ADGRG1: variants seen among roughly 807,000 people sequenced by gnomAD.
The protein encoded by ADGRG1 is 7-transmembrane protein with no EGF-like N-terminal domains-1.
ADGRG1 carries 53 observed loss-of-function variants against 73.5 expected under a neutral mutation model. The ratio of observed to expected loss-of-function variants is 0.72; its 90% CI spans 0.58 to 0.91. The LOEUF (loss-of-function observed/expected upper bound fraction) is 0.91. ADGRG1 is among the 40% of genes least tolerant of loss of function. ADGRG1 has a pLI of 0.00. For synonymous variants in ADGRG1, 394 were observed against 374.4 expected, an observed-to-expected ratio of 1.05 and a Z score of -0.60; for missense variants, 795 against 871.8, an observed-to-expected ratio of 0.91 and a Z score of 1.11.
intron 1 of ADGRG1, chr16:57,647,768 G>A: frequency 1.0e-6 from 1 of 983,008 alleles, no homozygotes; most frequent in Non-Finnish European, 1.2e-6. Flanking sequence ...CAGCTGAGGT[G>A]GAGTGGGGAT....
rs770994213 is a variant in ADGRG1 at position 57,651,533 on chromosome 16, C to G, written c.398C>G (p.Pro133Arg). The G allele has an allele frequency of 6.2e-7, 1 of 1,614,238 alleles. No individual in the cohort carries two copies. Among genetic ancestry groups the G allele is most frequent in the Admixed American group, 1.7e-5 (1 of 60,032 alleles). Reference protein sequence around the residue: ...QHQEESLAQGPPLLATSVTSW... With the variant: ...QHQEESLAQGRPLLATSVTSW... ...CAGGAGGAGAGCCTGGCTCAGGGCC[C>G]CCCGCTGTTAGCCACTTCTGTCACC... The change falls in exon 3 of 14, where the codon CCC (proline) becomes CGC (arginine). Residue 133 changes from proline to arginine, a missense_variant. Physicochemically the swap from Pro to Arg is moderately radical, Grantham distance 103 (BLOSUM62 -2). Transcript: ENST00000562631.
chr16:57,633,626 T>TCCCAGCTCTACTGGCTGTGTG, intron 1 of ADGRG1: 1 of 417,936 alleles, frequency 2.4e-6, no homozygotes, highest in African/African-American at 2.2e-5. Flanking sequence ...AACCTCTCTG[T>TCCCAGCTCTACTGGCTGTGTG]GCCTCGTCTT....
chr16:57,659,960 GC>G (rs1332743579), intron 11 of ADGRG1, among the ~76,000 whole-genome samples: 1 of 152,232 alleles, frequency 6.6e-6, no homozygotes, highest in Non-Finnish European at 1.5e-5. Flanking sequence ...TGCAGGTTGT[GC>G]ACTGCTCAAA....
intron 4 of ADGRG1, 43 bp from the exon 5 acceptor site, chr16:57,653,943 G>C: frequency 6.2e-7 from 1 of 1,612,140 alleles, no homozygotes; most frequent in Non-Finnish European, 8.5e-7. Flanking sequence ...CTGGTGGCCC[G>C]GCCCCCTCCC....
At chr16:57,629,621 T>A (rs916965460) in intron 1 of ADGRG1, 1 of 152,174 alleles carries the variant, frequency 6.6e-6, no homozygotes, top group African/African-American at 2.4e-5. Context: ...CAAGGCCAGC[T>A]TTGGGAGAAG....
chr16:57,631,144 G>C, intron 1 of ADGRG1: 1 of 986,270 alleles, frequency 1.0e-6, no homozygotes, highest in Non-Finnish European at 1.2e-6. Context: ...GCAGCTTCAC[G>C]TGTGAGGGAG....
In ADGRG1 at chr16:57,663,445, C is replaced by T; in HGVS notation, c.1934-7C>T. 1 of 1,613,874 alleles carries T rather than the reference C, an allele frequency of 6.2e-7. No homozygotes were observed. ...ACCTGCTGACCCCGTGCCCTCACTG[C>T]CCGCAGGCTTCCTCATCTTCATCTG... On this transcript the variant is annotated splice_polypyrimidine_tract_variant and splice_region_variant and intron_variant, in intron 13 of 13. Transcript: ENST00000562631.
upstream of ADGRG1, among the ~76,000 whole-genome samples, chr16:57,626,289 C>T (rs1389615685): frequency 2.6e-5 from 4 of 152,214 alleles, no homozygotes; most frequent in Non-Finnish European, 4.4e-5. Context: ...GAGCATCTTA[C>T]ACCATAAAAC....
intron 3 of ADGRG1, 187 bp from the exon 4 acceptor site, chr16:57,653,016 C>A (rs1478711505): frequency 2.7e-6 from 4 of 1,457,344 alleles, no homozygotes; most frequent in Middle Eastern, 2.6e-4. Context: ...AAGACACAAC[C>A]CCCACGGGTT....
chr16:57,644,190 C>G (rs143852876), intron 1 of ADGRG1: 1 of 985,302 alleles, frequency 1.0e-6, no homozygotes, highest in Non-Finnish European at 1.2e-6. Context: ...CCTCCTGGCC[C>G]CATGCATCCC....
chr16:57,653,355 C>A lies in ADGRG1; in HGVS notation c.620+20C>A. On this transcript the variant is annotated intron_variant, in intron 4 of 13. Coordinates refer to ENST00000562631, the MANE Select transcript of ADGRG1 (RefSeq NM_201525.4). ...CAGCCAGTAAGTTTGGCACCTGGGG[C>A]TGTGAGGGGAGGCAGGAAGGCATCA... 1 of 1,605,412 alleles carries A rather than the reference C, an allele frequency of 6.2e-7. No homozygotes were observed. Among genetic ancestry groups the A allele is most frequent in the Non-Finnish European group, 8.5e-7 (1 of 1,179,874 alleles).
chr16:57,628,956 G>A (rs199630312), intron 1 of ADGRG1, 154 bp downstream of exon 1: 1 of 629,418 alleles, frequency 1.6e-6, no homozygotes, highest in Non-Finnish European at 1.9e-6. Context: ...GAGTGTGAGA[G>A]TGTGTGAGTG....
intron 1 of ADGRG1, chr16:57,645,032 C>T (rs1222889972): frequency 4.1e-6 from 4 of 972,430 alleles, no homozygotes; most frequent in African/African-American, 1.8e-5. Flanking sequence ...ACTCATCACA[C>T]ACTCATGCAC....
At chr16:57,639,018 T>C (rs1241916962) in intron 1 of ADGRG1, among the ~76,000 whole-genome samples, 1 of 150,606 alleles carries the variant, frequency 6.6e-6, no homozygotes, top group Non-Finnish European at 1.5e-5. Flanking sequence ...TGCAGTGAGC[T>C]GAGATCACGC....
intron 1 of ADGRG1, chr16:57,637,300 G>A: frequency 2.0e-6 from 2 of 985,258 alleles, no homozygotes; most frequent in Non-Finnish European, 2.4e-6. Context: ...TTGGCTTTTG[G>A]CTCTGGGCAG....
chr16:57,647,052 C>A, intron 1 of ADGRG1: 1 of 647,670 alleles, frequency 1.5e-6, no homozygotes, highest in Non-Finnish European at 1.9e-6. Context: ...CATGCTACAT[C>A]CCTGGCGCCT....
At chr16:57,651,989 A>G in intron 3 of ADGRG1, 1 of 1,229,970 alleles carries the variant, frequency 8.1e-7, no homozygotes, top group Non-Finnish European at 1.0e-6. Flanking sequence ...GAGCCCCAGG[A>G]AGAATTCTTC....
upstream of ADGRG1, chr16:57,628,326 G>A (rs1236042401): frequency 2.3e-6 from 1 of 442,092 alleles, no homozygotes; most frequent in Non-Finnish European, 3.0e-6. Context: ...GACTGGCCCT[G>A]GGAGGCGACA....
intron 1 of ADGRG1, chr16:57,643,529 C>G (rs8054308): frequency 1.0e-6 from 1 of 973,736 alleles, no homozygotes; most frequent in African/African-American, 1.8e-5. Context: ...CCAGAAGCCA[C>G]GGGGACAGTG....
Sources: allele counts gnomAD v4.1 joint callset (sites outside exome capture counted in the v4.1 genomes callset), GRCh38; gene constraint gnomAD v4.1.1; transcripts MANE v1.5; gene names NCBI Gene and HGNC (gene_info 2026-07-23, HGNC 2026-07-21).